RYR2: variants seen among roughly 807,000 people sequenced by gnomAD.
RYR2 encodes ryanodine receptor 2, also known as cardiac muscle ryanodine receptor-calcium release channel.
Under a neutral mutation model 601.1 loss-of-function variants are expected in RYR2, and 227 were observed. The ratio of observed to expected loss-of-function variants is 0.38; its 90% CI spans 0.34 to 0.42. The LOEUF (loss-of-function observed/expected upper bound fraction) is 0.42, where lower values mean the gene tolerates loss of function less well. Ranked by LOEUF, RYR2 falls within the 10% of genes least tolerant of loss-of-function variation. The pLI is 1.00. For missense variants in RYR2, 4,646 were observed against 6,156.5 expected (o/e 0.75, Z 8.21); for synonymous variants, 2,223 against 2,175.1 (o/e 1.02, Z -0.61).
At chr1:237,427,223 G>A (rs926143916) in intron 12 of RYR2, among the ~76,000 whole-genome samples, 1 of 152,082 alleles carries the variant, frequency 6.6e-6, no homozygotes, top group East Asian at 1.9e-4. Context: ...ACAGATGCAG[G>A]CATGCAGACA....
intron 25 of RYR2, among the ~76,000 whole-genome samples, chr1:237,536,925 A>C (rs1387736716): frequency 6.6e-6 from 1 of 152,060 alleles, no homozygotes. Context: ...AGAACTCCTA[A>C]AAATTAATAA....
At position 237,127,985 on chromosome 1, in the gene RYR2, C is replaced by T. The variant is rs1213912237; in HGVS notation, c.48+85416C>T. Among the ~76,000 whole-genome samples the T allele has an allele frequency of 3.9e-5, 6 of 152,222 alleles. No individual in the cohort carries two copies. In the South Asian group the frequency reaches 6.2e-4, roughly 16 times the overall value. On this transcript the variant is annotated intron_variant, in intron 1 of 104. Transcript: ENST00000366574. ...GCTCCTCACTTCCCAGATGGGGTGG[C>T]GGCCGGGCAGAGGCTGCAATCTCGG...
intron 1 of RYR2, among the ~76,000 whole-genome samples, chr1:237,234,965 A>C (rs1298035652): frequency 6.6e-6 from 1 of 152,062 alleles, no homozygotes; most frequent in Non-Finnish European, 1.5e-5. Context: ...TCTATTGTTA[A>C]TGATAGAAGT....
Position 237,387,300 on chromosome 1 carries a change from G to T in RYR2, c.596G>T (p.Gly199Val), listed in dbSNP as rs754911836. 4 of 1,613,946 alleles carry T rather than the reference G, an allele frequency of 2.5e-6. No homozygotes were observed. The highest frequency in any genetic ancestry group is 2.5e-6 in the Non-Finnish European group (3 of 1,179,882). Residue 199 changes from glycine to valine, a missense_variant, in exon 9 of 105, where the codon GGC becomes GTC. Gly to Val is a moderately radical substitution (Grantham distance 109). This residue lies in a region of RYR2 where 87 missense variants were observed against 144.7 expected (regional missense o/e 0.60). Transcript: ENST00000366574. ...ATACAGCACTTGTCTTATGGCAACG[G>T]CAGCTTACACGTGGATGCCGCTTTC... is the stretch of plus-strand genomic sequence containing the variant. ...ERYLHLSYGN[G>V]SLHVDAAFQQ...
intron 29 of RYR2, among the ~76,000 whole-genome samples, chr1:237,588,319 G>A (rs1674762030): frequency 6.6e-6 from 1 of 152,040 alleles, no homozygotes; most frequent in Non-Finnish European, 1.5e-5. Flanking sequence ...ATGCTATTTT[G>A]GGGGTTATAT....
chr1:237,359,370 TA>T (rs1376577700), intron 4 of RYR2, among the ~76,000 whole-genome samples: 2 of 152,186 alleles, frequency 1.3e-5, no homozygotes, highest in Non-Finnish European at 2.9e-5. Flanking sequence ...TGAAAAATCA[TA>T]AATAGAACCA....
intron 17 of RYR2, among the ~76,000 whole-genome samples, chr1:237,470,516 T>C (rs1400264631): frequency 6.6e-6 from 1 of 152,056 alleles, no homozygotes; most frequent in African/African-American, 2.4e-5. Flanking sequence ...TGCTAGATCG[T>C]TGGGCAGCAG....
intron 96 of RYR2, among the ~76,000 whole-genome samples, chr1:237,795,826 G>GTA (rs1272610075): frequency 1.5e-5 from 1 of 68,388 alleles, no homozygotes. Context: ...AGGTATGTAT[G>GTA]TGTGTGTGTG....
intron 1 of RYR2, among the ~76,000 whole-genome samples, chr1:237,257,281 TG>T (rs1254456290): frequency 3.3e-5 from 5 of 152,228 alleles, no homozygotes; most frequent in Non-Finnish European, 7.3e-5. Context: ...TCTGCTCATC[TG>T]TAGGGTAACC....
intron 10 of RYR2, among the ~76,000 whole-genome samples, chr1:237,393,560 A>C (rs1702568343): frequency 6.6e-6 from 1 of 152,192 alleles, no homozygotes; most frequent in Non-Finnish European, 1.5e-5. Flanking sequence ...TCTTAAAGCT[A>C]TTCTGTTGTT....
At chr1:237,511,538 G>C in intron 23 of RYR2, 150 bp from the exon 24 acceptor site, 1 of 597,748 alleles carries the variant, frequency 1.7e-6, no homozygotes, top group Non-Finnish European at 3.1e-6. Context: ...TACTCACTGC[G>C]CCTGAGAGGT....
At chr1:237,406,647 A>G (rs12091802) in intron 10 of RYR2, among the ~76,000 whole-genome samples, 16,446 of 152,066 alleles carry the variant, frequency 0.11, 1,843 homozygotes, top group African/African-American at 0.29. Context: ...CCTGTAATAT[A>G]TTCCTAATAT....
At chr1:237,529,537 T>G (rs1558974821) in intron 24 of RYR2, among the ~76,000 whole-genome samples, 1 of 152,202 alleles carries the variant, frequency 6.6e-6, no homozygotes. Flanking sequence ...CCACACATTA[T>G]TAAAATATTA....
intron 1 of RYR2, among the ~76,000 whole-genome samples, chr1:237,211,923 T>C (rs987678118): frequency 2.6e-5 from 4 of 152,196 alleles, no homozygotes; most frequent in African/African-American, 9.6e-5. Flanking sequence ...AAAATAATTA[T>C]TGAAACAAAT....
At chr1:237,373,406 A>G (rs1700792073) in intron 6 of RYR2, among the ~76,000 whole-genome samples, 1 of 152,060 alleles carries the variant, frequency 6.6e-6, no homozygotes, top group South Asian at 2.1e-4. Flanking sequence ...GCCTTCTCAC[A>G]CTCACAGACA....
At chr1:237,767,342 T>C (rs1693923681) in intron 84 of RYR2, among the ~76,000 whole-genome samples, 1 of 152,184 alleles carries the variant, frequency 6.6e-6, no homozygotes, top group African/African-American at 2.4e-5. Context: ...AGAAAGGCCA[T>C]ATAATACTGA....
At chr1:237,229,188 G>A (rs1007082214) in intron 1 of RYR2, among the ~76,000 whole-genome samples, 2 of 152,170 alleles carry the variant, frequency 1.3e-5, no homozygotes, top group Non-Finnish European at 2.9e-5. Flanking sequence ...TTTCATTCTG[G>A]TTGAGGGGAT....
chr1:237,699,100 G>A (rs1687740653), intron 64 of RYR2, 75 bp downstream of exon 64: 3 of 684,152 alleles, frequency 4.4e-6, no homozygotes, highest in Non-Finnish European at 7.2e-6. Flanking sequence ...TATTAAGAAG[G>A]ACCCAGTGTC....
At chr1:237,405,908 T>TTTTTTTTTTTTTTTTTTTTTTTG (rs1384589691) in intron 10 of RYR2, among the ~76,000 whole-genome samples, 1 of 148,080 alleles carries the variant, frequency 6.8e-6, no homozygotes, top group Non-Finnish European at 1.5e-5. Context: ...AAAACTTTCT[T>TTTTTTTTTTTTTTTTTTTTTTTG]AACTTTATCT....
Sources: allele counts gnomAD v4.1 joint callset (sites outside exome capture counted in the v4.1 genomes callset), GRCh38; gene constraint gnomAD v4.1.1; regional missense constraint gnomAD v4.1.1; transcripts MANE v1.5; gene names NCBI Gene and HGNC (gene_info 2026-07-23, HGNC 2026-07-21).